The following CEP164 variants were observed in gnomAD, a reference collection of about 807,000 sequenced individuals.
The protein encoded by CEP164 is centrosomal protein 164.
In CEP164, 162 loss-of-function variants were observed where a neutral mutation model predicts 182.7. The observed-to-expected ratio is 0.89, with a 90% confidence interval of 0.78 to 1.01. The LOEUF (loss-of-function observed/expected upper bound fraction) is 1.01. Among genes scored for constraint, CEP164 ranks in the 50% least tolerant of loss-of-function variants. The pLI is 0.00. For synonymous variants in CEP164, 661 were observed against 690.0 expected (o/e 0.96, Z 0.66); for missense variants, 1,735 against 1,790.4 (o/e 0.97, Z 0.56).
Position 117,380,687 on chromosome 11 carries a change from C to T in CEP164, c.1391C>T (p.Ser464Phe). 1 of 1,606,474 alleles carries T rather than the reference C, an allele frequency of 6.2e-7. No homozygotes were observed. The highest frequency in any genetic ancestry group is 8.5e-7 in the Non-Finnish European group (1 of 1,176,590). ...CAAGATGAGCTGCAGAGCAAGCAGT[C>T]CAAAGGCCTGGAGGAGAGGTACCAT... ...SSQDELQSKQ[S>F]KGLEERLSPP... Residue 464 changes from serine to phenylalanine, a missense_variant, in exon 12 of 33, where the codon TCC becomes TTC. Coordinates refer to ENST00000278935, the MANE Select transcript of CEP164 (RefSeq NM_014956.5).
intron 5 of CEP164, chr11:117,355,213 C>T (rs772039712): frequency 1.5e-5 from 19 of 1,289,682 alleles, no homozygotes; most frequent in Admixed American, 2.3e-5. Context: ...GGGCCCCAGC[C>T]CAATGCAGGA....
chr11:117,379,581 T>C (rs1212588226), intron 11 of CEP164, among the ~76,000 whole-genome samples: 3 of 152,082 alleles, frequency 2.0e-5, no homozygotes, highest in Admixed American at 6.5e-5. Context: ...GGAGCTAACA[T>C]TGATGGCGTG....
intron 12 of CEP164, 126 bp from the exon 13 acceptor site, chr11:117,381,575 G>A (rs1034056268): frequency 6.9e-5 from 78 of 1,127,034 alleles, no homozygotes; most frequent in Non-Finnish European, 9.3e-5. Flanking sequence ...GGATGGATGT[G>A]GGGGTGGGGC....
chr11:117,336,276 CTTT>C, intron 2 of CEP164: 1 of 1,559,216 alleles, frequency 6.4e-7, no homozygotes, highest in East Asian at 2.3e-5. Flanking sequence ...GCTTGTGCAT[CTTT>C]TTATGAGCTT....
intron 10 of CEP164, among the ~76,000 whole-genome samples, chr11:117,375,341 T>G (rs2042628689): frequency 6.6e-6 from 1 of 152,222 alleles, no homozygotes; most frequent in Non-Finnish European, 1.5e-5. Context: ...ATATGTGCTC[T>G]CCAACCTGCT....
intron 1 of CEP164, among the ~76,000 whole-genome samples, chr11:117,329,776 A>T (rs1346731934): frequency 6.7e-6 from 1 of 148,384 alleles, no homozygotes; most frequent in East Asian, 2.0e-4. Context: ...TCCTGACCTC[A>T]TTATCCGCCC....
At position 117,411,780 on chromosome 11, in the gene CEP164, C is replaced by T. The variant is rs1284762879; in HGVS notation, c.4164-15C>T. ...CTCCTCTCTCCCCTCGCCATGCTCTCCTCTTCCTTCCCAGTGAGCAGCTCC... is the reference window on the plus strand; with the variant it reads ...CTCCTCTCTCCCCTCGCCATGCTCTTCTCTTCCTTCCCAGTGAGCAGCTCC... On this transcript the variant is annotated splice_polypyrimidine_tract_variant and intron_variant, in intron 31 of 32. Coordinates refer to ENST00000278935, the MANE Select transcript of CEP164 (RefSeq NM_014956.5). This position sits in a 1 kb window ranked among gnomAD's most constrained non-coding sequence, Gnocchi z 4.4. 1 of 1,614,062 alleles carries T rather than the reference C, an allele frequency of 6.2e-7. No individual in the cohort carries two copies. The highest frequency in any genetic ancestry group is 1.7e-5 in the Admixed American group (1 of 60,018).
In CEP164 at chr11:117,339,531, T is replaced by G. The variant is rs949621248; in HGVS notation, c.82+863T>G. On this transcript the variant is annotated intron_variant, in intron 3 of 32. Coordinates refer to ENST00000278935, the MANE Select transcript of CEP164 (RefSeq NM_014956.5). ...TTTTCCTTTGTTTTTTGTTTTTTTT[T>G]TTTTTTTTTTTTTTTGAGACAGAGT... Among the ~76,000 whole-genome samples, 586 of 128,438 alleles carry G rather than the reference T, an allele frequency of 4.6e-3. 7 individuals carry two copies. The highest frequency in any genetic ancestry group is 8.2e-3 in the South Asian group (29 of 3,526). 84.3% of individuals were successfully genotyped at this position (128,438 alleles called of 152,430 possible).
Position 117,387,351 on chromosome 11 carries a change from C to G in CEP164, c.1873C>G (p.Leu625Val). 1 of 1,614,190 alleles carries G rather than the reference C, an allele frequency of 6.2e-7. No individual in the cohort carries two copies. ...QEKMQQLREK[L>V]CQEEEEEILR... is the part of the protein sequence containing the mutation. ...GAAGATGCAGCAACTGCGGGAGAAG[C>G]TGTGCCAAGAGGAGGAAGAGGAGAT... The change falls in exon 15 of 33, where the codon CTG (leucine) becomes GTG (valine). Residue 625 changes from leucine (L) to valine (V), a missense_variant. Physicochemically the swap from Leu to Val is conservative, Grantham distance 32 (BLOSUM62 1). Coordinates refer to ENST00000278935, the MANE Select transcript of CEP164 (RefSeq NM_014956.5).
At position 117,344,189 on chromosome 11, in the gene CEP164, A is replaced by G; in HGVS notation, c.106A>G (p.Ile36Val). Residue 36 changes from isoleucine (I) to valine (V), a missense_variant, in exon 4 of 33, where the codon ATT (isoleucine) becomes GTT (valine). Ile to Val is a conservative substitution (Grantham distance 29). Coordinates refer to ENST00000278935, the MANE Select transcript of CEP164 (RefSeq NM_014956.5). ...AGAAATTCTTGAATTTGCCCGGGAG[A>G]TTGGTATTGATCCCATCAAGGAACC... The part of the protein sequence containing the change: ...EQEILEFARE[I>V]GIDPIKEPEL... The G allele has an allele frequency of 1.9e-6, 3 of 1,612,540 alleles. No homozygotes were observed. Among genetic ancestry groups the G allele is most frequent in the Non-Finnish European group, 2.5e-6 (3 of 1,179,396 alleles).
intron 5 of CEP164, chr11:117,355,426 A>G (rs1383194887): frequency 2.3e-6 from 3 of 1,289,702 alleles, no homozygotes; most frequent in Non-Finnish European, 3.0e-6. Context: ...CTGTCCACTC[A>G]AAGCTTTCTG....
rs371712475 is a variant in CEP164, at chr11:117,387,381, C to T, written c.1903C>T (p.Arg635Trp). The T allele has an allele frequency of 2.6e-5, 42 of 1,614,004 alleles. 1 individual carries two copies. Among genetic ancestry groups the T allele is most frequent in the Middle Eastern group, 1.6e-4 (1 of 6,084 alleles). The change falls in exon 15 of 33, where the codon CGG (arginine) becomes TGG (tryptophan). Residue 635 changes from arginine (R) to tryptophan (W), a missense_variant. By Grantham distance (101) the Arg-to-Trp change is moderately radical. Coordinates refer to ENST00000278935, the MANE Select transcript of CEP164 (RefSeq NM_014956.5). ...CCAAGAGGAGGAAGAGGAGATCCTC[C>T]GGCTTCACCAGCAGAAAGAGCAATC... is the stretch of plus-strand genomic sequence containing the variant. Reference protein sequence around the residue: ...LCQEEEEEILRLHQQKEQSLS... With the variant: ...LCQEEEEEILWLHQQKEQSLS...
At chr11:117,393,616 T>G (rs1270481438) in intron 20 of CEP164, among the ~76,000 whole-genome samples, 1 of 152,168 alleles carries the variant, frequency 6.6e-6, no homozygotes, top group Non-Finnish European at 1.5e-5. Flanking sequence ...AGCCAATAAG[T>G]AGAAGAGCTA....
chr11:117,383,046 C>T (rs1485770227), intron 14 of CEP164, 104 bp downstream of exon 14: 1 of 1,339,556 alleles, frequency 7.5e-7, no homozygotes, highest in Non-Finnish European at 1.0e-6. Flanking sequence ...AGGCTCTGGC[C>T]AAGGGTTAGA....
intron 13 of CEP164, 56 bp downstream of exon 13, chr11:117,381,924 G>A (rs2043358713): frequency 1.8e-5 from 23 of 1,289,184 alleles, no homozygotes; most frequent in Non-Finnish European, 2.2e-5. Context: ...TGCTCTGTGT[G>A]TAGTGGGTAT....
At chr11:117,377,625 C>T (rs145499909) in intron 11 of CEP164, among the ~76,000 whole-genome samples, 3 of 152,230 alleles carry the variant, frequency 2.0e-5, no homozygotes, top group African/African-American at 4.8e-5. Flanking sequence ...CCCATTTTGC[C>T]GTATTTTCCA....
At chr11:117,379,751 C>T (rs983580275) in intron 11 of CEP164, among the ~76,000 whole-genome samples, 7 of 151,706 alleles carry the variant, frequency 4.6e-5, no homozygotes, top group East Asian at 3.9e-4. Flanking sequence ...AGGCCGACTA[C>T]ACTACTGTAC....
intron 1 of CEP164, among the ~76,000 whole-genome samples, chr11:117,334,044 A>G (rs1044382268): frequency 3.3e-5 from 5 of 152,176 alleles, no homozygotes; most frequent in African/African-American, 1.2e-4. Context: ...CATCTAAATC[A>G]GGCTTATTTC....
chr11:117,355,802 C>G (rs2040230499), intron 5 of CEP164: 1 of 1,095,782 alleles, frequency 9.1e-7, no homozygotes, highest in Non-Finnish European at 1.1e-6. Flanking sequence ...CCCTGAGGCT[C>G]TAGGGGCCTC....
Sources: gnomAD v4.1 joint callset for allele counts (sites outside exome capture counted in the v4.1 genomes callset) on GRCh38, gnomAD v4.1.1 for gene constraint, Gnocchi (gnomAD v3.1) non-coding constraint, MANE v1.5 for transcripts, NCBI Gene and HGNC (gene_info 2026-07-23, HGNC 2026-07-21) for gene names.